SAMD4B: variants seen among roughly 807,000 people sequenced by gnomAD.
SAMD4B encodes sterile alpha motif domain containing 4B.
In SAMD4B, 5 loss-of-function variants were observed where a neutral mutation model predicts 74.5. That is an observed-to-expected ratio of 0.07 (90% CI 0.04 to 0.14). The LOEUF (loss-of-function observed/expected upper bound fraction) is 0.14. Ranked by LOEUF, SAMD4B falls within the 10% of genes least tolerant of loss-of-function variation. SAMD4B has a pLI of 1.00. For synonymous variants in SAMD4B, 373 were observed against 374.9 expected (o/e 1.00, Z 0.06); for missense variants, 608 against 921.8 (o/e 0.66, Z 4.41).
intron 1 of SAMD4B, chr19:39,350,914 G>T (rs115258604): frequency 0.033 from 4,999 of 151,958 alleles, 216 homozygotes; most frequent in African/African-American, 0.095. Context: ...CTAATTTTTG[G>T]ATTTTTTGTA....
At chr19:39,346,720 A>G (rs2075725905) in intron 1 of SAMD4B, among the ~76,000 whole-genome samples, 1 of 152,152 alleles carries the variant, frequency 6.6e-6, no homozygotes, top group Non-Finnish European at 1.5e-5. Context: ...TTTTTAGTTA[A>G]GATAGGTTTG....
chr19:39,370,830 C>T (rs1450933711), intron 4 of SAMD4B, among the ~76,000 whole-genome samples: 3 of 152,172 alleles, frequency 2.0e-5, no homozygotes, highest in Non-Finnish European at 4.4e-5. Flanking sequence ...GATCTCAGTC[C>T]GCATCACAAC....
downstream of SAMD4B, chr19:39,388,266 A>C: frequency 1.3e-6 from 2 of 1,489,880 alleles, no homozygotes; most frequent in Non-Finnish European, 1.9e-6. Context: ...ATGACCTCCA[A>C]GGTGGCTCTT....
chr19:39,342,518 G>C lies in SAMD4B; in HGVS notation c.-325G>C, dbSNP rs1478135499. ...GCTTGCGGGCCCGAGAGGGGGCGAC[G>C]GCGGCGGCGGTGGCCTGAGGAGGCC... On this transcript the variant is annotated 5_prime_UTR_variant, in exon 1 of 14. Coordinates refer to ENST00000610417, the MANE Select transcript of SAMD4B (RefSeq NM_001384574.2). The C allele has an allele frequency of 1.2e-5, 2 of 171,722 alleles. No homozygotes were observed. Among genetic ancestry groups the C allele is most frequent in the Non-Finnish European group, 2.4e-5 (2 of 83,396 alleles). 10.6% of individuals were successfully genotyped at this position (171,722 alleles called of 1,614,324 possible).
At position 39,380,623 on chromosome 19, in the gene SAMD4B, C is replaced by T; in HGVS notation, c.1686C>T (p.Gly562=). ...AFGSNSLPIA[G]SVGMGVARRT... ...GCTCCAACTCGCTCCCCATAGCTGG[C>T]TCTGTGGGGATGGGAGTGGCCCGGC... is the stretch of plus-strand genomic sequence containing the variant. Residue 562 remains glycine (G), a synonymous_variant, in exon 11 of 14, where the codon GGC becomes GGT. Transcript: ENST00000610417. 1 of 1,614,180 alleles carries T rather than the reference C, an allele frequency of 6.2e-7. No homozygotes were observed. The highest frequency in any genetic ancestry group is 1.1e-5 in the South Asian group (1 of 91,088).
chr19:39,389,660 G>T, downstream of SAMD4B: 1 of 1,614,204 alleles, frequency 6.2e-7, no homozygotes, highest in Non-Finnish European at 8.5e-7. The surrounding 1 kb of genome is among the most constrained non-coding windows in gnomAD (Gnocchi z 5.3). Flanking sequence ...GATGCGGTAG[G>T]TGTCAGGATT....
chr19:39,360,556 A>C (rs1460363064), intron 3 of SAMD4B, among the ~76,000 whole-genome samples: 3 of 152,156 alleles, frequency 2.0e-5, no homozygotes, highest in Non-Finnish European at 4.4e-5. Flanking sequence ...ACAGAGGTAA[A>C]TTCTGGTAGA....
At chr19:39,377,977 A>G (rs537324851) in intron 8 of SAMD4B, among the ~76,000 whole-genome samples, 153 bp downstream of exon 8, 344 of 152,386 alleles carry the variant, frequency 2.3e-3, no homozygotes, top group African/African-American at 7.9e-3. Flanking sequence ...AGACAGGGTG[A>G]CAAGGCCCCT....
downstream of SAMD4B, chr19:39,386,503 C>T: frequency 1.2e-6 from 2 of 1,614,188 alleles, no homozygotes; most frequent in Non-Finnish European, 8.5e-7. This position sits in a 1 kb window ranked among gnomAD's most constrained non-coding sequence, Gnocchi z 6.1. Flanking sequence ...GCTTCTTTCT[C>T]TTCTGTCTCC....
At chr19:39,362,535 T>A (rs77575040) in intron 3 of SAMD4B, among the ~76,000 whole-genome samples, 5,024 of 152,228 alleles carry the variant, frequency 0.033, 217 homozygotes, top group African/African-American at 0.095. Flanking sequence ...TCCAAGGGTC[T>A]CTGGAACAGG....
chr19:39,376,371 A>G (rs768382208), intron 5 of SAMD4B, 66 bp from the exon 6 acceptor site: 51 of 1,380,390 alleles, frequency 3.7e-5, no homozygotes, highest in Non-Finnish European at 5.1e-5. Flanking sequence ...TATCCCCACA[A>G]CTTTTCCTTT....
intron 1 of SAMD4B, among the ~76,000 whole-genome samples, chr19:39,353,005 G>A (rs755466341): frequency 1.3e-5 from 2 of 152,132 alleles, no homozygotes; most frequent in Non-Finnish European, 2.9e-5. Context: ...TCCAGCCTCC[G>A]CTTGACCACT....
chr19:39,378,420 C>T lies in SAMD4B; in HGVS notation c.1445-84C>T, dbSNP rs2077734490. 1 of 1,223,126 alleles carries T rather than the reference C, an allele frequency of 8.2e-7. No homozygotes were observed. Among genetic ancestry groups the T allele is most frequent in the Non-Finnish European group, 1.2e-6 (1 of 831,534 alleles). The allele number at this position is 1,223,126 out of a possible 1,614,324, so 75.8% of individuals were successfully genotyped here. On this transcript the variant is annotated intron_variant, in intron 8 of 13. Transcript: ENST00000610417. The surrounding 1 kb of genome is among the most constrained non-coding windows in gnomAD (Gnocchi z 4.4). ...ATCCAGCCTGAGTCTCCTGTTCCTT[C>T]TTGTGCACGAGCCAGCTGGAGGCTG...
chr19:39,385,642 C>G lies in SAMD4B; in HGVS notation c.*2115C>G, dbSNP rs1484473414. The G allele has an allele frequency of 2.0e-6, 1 of 509,404 alleles. No homozygotes were observed. Among genetic ancestry groups the G allele is most frequent in the Non-Finnish European group, 3.4e-6 (1 of 291,730 alleles). 31.6% of individuals were successfully genotyped at this position (509,404 alleles called of 1,614,324 possible). On this transcript the variant is annotated 3_prime_UTR_variant, in exon 14 of 14. Transcript: ENST00000610417. Reference sequence around the variant, plus strand: ...GGAGAAGACTTATTTGTTGGAGTTTCACTTGTTTAATGGTCTGGGCTTATT... The same window carrying G: ...GGAGAAGACTTATTTGTTGGAGTTTGACTTGTTTAATGGTCTGGGCTTATT...
At chr19:39,356,638 G>C (rs2076357833) in intron 2 of SAMD4B, 51 bp from the exon 3 acceptor site, 1 of 386,258 alleles carries the variant, frequency 2.6e-6, no homozygotes, top group African/African-American at 2.0e-5. Flanking sequence ...ACACTCACCA[G>C]GCAAGTTTCA....
chr19:39,378,656 C>G lies in SAMD4B; in HGVS notation c.1530+67C>G, dbSNP rs1360314275. ...AGGCGTGGTGGTTCACGCCTGTAGTCCCAGCACTTCGGCCACCGAGGCGGG... is the reference window on the plus strand; with the variant it reads ...AGGCGTGGTGGTTCACGCCTGTAGTGCCAGCACTTCGGCCACCGAGGCGGG... On this transcript the variant is annotated intron_variant, in intron 9 of 13. Coordinates refer to ENST00000610417, the MANE Select transcript of SAMD4B (RefSeq NM_001384574.2). This position sits in a 1 kb window ranked among gnomAD's most constrained non-coding sequence, Gnocchi z 4.4. 1.4e-6 allele frequency: 2 copies of G among 1,400,308 alleles called. No individual in the cohort carries two copies. The highest frequency in any genetic ancestry group is 2.0e-6 in the Non-Finnish European group (2 of 993,180). 86.7% of individuals were successfully genotyped at this position (1,400,308 alleles called of 1,614,324 possible). A position where few individuals can be genotyped will look rare whatever the true frequency, so the allele number is the denominator to read the frequency against.
downstream of SAMD4B, among the ~76,000 whole-genome samples, chr19:39,387,700 G>C (rs1171414974): frequency 6.6e-6 from 1 of 152,192 alleles, no homozygotes; most frequent in East Asian, 1.9e-4. Context: ...TTGAACATGG[G>C]TTTAAGCATT....
intron 10 of SAMD4B, 78 bp from the exon 11 acceptor site, chr19:39,380,509 G>T: frequency 6.9e-7 from 1 of 1,457,358 alleles, no homozygotes; most frequent in Non-Finnish European, 9.6e-7. Flanking sequence ...ACTTGGGGTT[G>T]TTGGGGAAGG....
downstream of SAMD4B, chr19:39,386,231 C>T: frequency 6.2e-7 from 1 of 1,614,144 alleles, no homozygotes; most frequent in Non-Finnish European, 8.5e-7. This position sits in a 1 kb window ranked among gnomAD's most constrained non-coding sequence, Gnocchi z 6.1. Flanking sequence ...TGCCAAAGAT[C>T]TCCTCTTTGT....
Sources: gnomAD v4.1 joint callset for allele counts (sites outside exome capture counted in the v4.1 genomes callset) on GRCh38, gnomAD v4.1.1 for gene constraint, Gnocchi (gnomAD v3.1) non-coding constraint, MANE v1.5 for transcripts, NCBI Gene and HGNC (gene_info 2026-07-23, HGNC 2026-07-21) for gene names.